The following WWC1 variants were observed in gnomAD, a reference collection of about 807,000 sequenced individuals.
WWC1 encodes protein KIBRA.
WWC1 carries 55 observed loss-of-function variants against 138.4 expected under a neutral mutation model. That is an observed-to-expected ratio of 0.40 (90% CI 0.32 to 0.50). WWC1 has a LOEUF of 0.50. Ranked by LOEUF, WWC1 falls within the 20% of genes least tolerant of loss-of-function variation. The pLI is 0.72. For missense variants in WWC1, 1,226 were observed against 1,420.4 expected (o/e 0.86, Z 2.20); for synonymous variants, 524 against 564.9 (o/e 0.93, Z 1.03).
rs141453590 is a variant in WWC1, at chr5:168,427,361, A to G, written c.1811-672A>G. Among the ~76,000 whole-genome samples, 528 of 152,162 alleles carry G rather than the reference A, an allele frequency of 3.5e-3. 2 individuals carry two copies. The highest frequency in any genetic ancestry group is 5.8e-3 in the Non-Finnish European group (394 of 68,004). Reference sequence around the variant, plus strand: ...CCTGTCAACAGCCCTATAAGTAGGTATTATTATCCAAGTTTTACAAATGAG... The same window carrying G: ...CCTGTCAACAGCCCTATAAGTAGGTGTTATTATCCAAGTTTTACAAATGAG... On this transcript the variant is annotated intron_variant, in intron 11 of 22. Coordinates refer to ENST00000265293, the MANE Select transcript of WWC1 (RefSeq NM_015238.3).
chr5:168,300,716 G>A (rs906187964), intron 1 of WWC1, among the ~76,000 whole-genome samples: 1 of 151,846 alleles, frequency 6.6e-6, no homozygotes, highest in Non-Finnish European at 1.5e-5. Context: ...TTCCCCAGTC[G>A]GCTGCCTGCT....
At position 168,469,230 on chromosome 5, in the gene WWC1, CA is replaced by C. The variant is rs1177944290; in HGVS notation, c.*221del. 10 of 539,966 alleles carry C rather than the reference CA, an allele frequency of 1.9e-5. No homozygotes were observed. Among genetic ancestry groups the C allele is most frequent in the Non-Finnish European group, 3.0e-5 (9 of 302,050 alleles). 33.4% of individuals were successfully genotyped at this position (539,966 alleles called of 1,614,324 possible). On this transcript the variant is annotated 3_prime_UTR_variant, in exon 23 of 23. Transcript: ENST00000265293. ...ACACACACACACACAAAAACAGAAA[CA>C]AAAAAAACCAGCATTAAAATAATAA... is the stretch of plus-strand genomic sequence containing the variant.
At chr5:168,339,866 T>C (rs1773850063) in intron 1 of WWC1, among the ~76,000 whole-genome samples, 1 of 148,548 alleles carries the variant, frequency 6.7e-6, no homozygotes, top group South Asian at 2.1e-4. Flanking sequence ...TCTTTCTCTC[T>C]CTCTCTCTCC....
chr5:168,381,557 G>A (rs949205215), intron 2 of WWC1, among the ~76,000 whole-genome samples: 3 of 152,178 alleles, frequency 2.0e-5, no homozygotes, highest in Non-Finnish European at 4.4e-5. Context: ...CTCACTCCCA[G>A]AGATTGGGAT....
At chr5:168,343,705 G>A (rs938819725) in intron 1 of WWC1, among the ~76,000 whole-genome samples, 3 of 151,892 alleles carry the variant, frequency 2.0e-5, no homozygotes, top group East Asian at 3.9e-4. Flanking sequence ...GCCTGTAATC[G>A]CAGCTACTTG....
Position 168,406,078 on chromosome 5 carries a change from G to A in WWC1, c.591-120G>A. 2.3e-6 allele frequency: 3 copies of A among 1,283,110 alleles called. No homozygotes were observed. In the South Asian group the frequency reaches 4.3e-5, roughly 18 times the overall value. 79.5% of individuals were successfully genotyped at this position (1,283,110 alleles called of 1,614,324 possible). ...AGTGGGACCTAGGGAGGAAGGGTTA[G>A]CAGGACAGAGGGAGGGGCCTTCTTA... is the stretch of plus-strand genomic sequence containing the variant. On this transcript the variant is annotated intron_variant, in intron 5 of 22. Transcript: ENST00000265293.
chr5:168,427,208 A>AG (rs569982305), intron 11 of WWC1, among the ~76,000 whole-genome samples: 56 of 152,352 alleles, frequency 3.7e-4, no homozygotes, highest in African/African-American at 1.3e-3. Flanking sequence ...TGCCATTGAA[A>AG]GTATGGATAT....
Position 168,460,256 on chromosome 5 carries a change from G to C in WWC1, c.2824-394G>C, listed in dbSNP as rs1246172986. ...GAAGGTTAAGAGGGCAGTATACTCT[G>C]AAGTCACGCTGGCCAGTGTCCAGCC... is the stretch of plus-strand genomic sequence containing the variant. On this transcript the variant is annotated intron_variant, in intron 19 of 22. Transcript: ENST00000265293. Among the ~76,000 whole-genome samples, 4 of 152,326 alleles carry C rather than the reference G, an allele frequency of 2.6e-5. No homozygotes were observed. The South Asian group carries it at 8.3e-4, about 32-fold the overall frequency.
chr5:168,346,593 A>G (rs1327221776), intron 1 of WWC1, among the ~76,000 whole-genome samples: 3 of 152,052 alleles, frequency 2.0e-5, no homozygotes, highest in Admixed American at 6.5e-5. Context: ...AGAATACAAG[A>G]CTCATTTGAA....
intron 15 of WWC1, among the ~76,000 whole-genome samples, chr5:168,433,556 A>T (rs1782110388): frequency 6.6e-6 from 1 of 151,190 alleles, no homozygotes; most frequent in Non-Finnish European, 1.5e-5. Context: ...TGTTTTTTTT[A>T]TTTTAGACTG....
At chr5:168,439,978 T>G (rs1055456526) in intron 15 of WWC1, among the ~76,000 whole-genome samples, 1 of 152,218 alleles carries the variant, frequency 6.6e-6, no homozygotes, top group Middle Eastern at 3.2e-3. Context: ...ATTAATTACT[T>G]GTTCAGTTCC....
At chr5:168,338,120 G>A (rs1773657978) in intron 1 of WWC1, among the ~76,000 whole-genome samples, 1 of 151,920 alleles carries the variant, frequency 6.6e-6, no homozygotes, top group African/African-American at 2.4e-5. Flanking sequence ...AGACCGGTCT[G>A]GCCAACGTGG....
At chr5:168,337,140 AC>A (rs1773545558) in intron 1 of WWC1, among the ~76,000 whole-genome samples, 1 of 152,044 alleles carries the variant, frequency 6.6e-6, no homozygotes, top group Non-Finnish European at 1.5e-5. Flanking sequence ...ATCTACACCA[AC>A]TGATGCTGGC....
chr5:168,435,599 T>TG (rs1384586659), intron 15 of WWC1, among the ~76,000 whole-genome samples: 3 of 151,896 alleles, frequency 2.0e-5, no homozygotes, highest in African/African-American at 4.8e-5. Context: ...TTTGTAGAGA[T>TG]GGGGTCTCAC....
intron 2 of WWC1, among the ~76,000 whole-genome samples, chr5:168,371,862 A>G (rs1443879366): frequency 6.6e-6 from 1 of 152,168 alleles, no homozygotes; most frequent in Non-Finnish European, 1.5e-5. Flanking sequence ...GTGTATGTGT[A>G]TATATGCACA....
intron 1 of WWC1, among the ~76,000 whole-genome samples, chr5:168,349,365 A>T (rs1774742028): frequency 6.6e-6 from 1 of 151,912 alleles, no homozygotes; most frequent in Non-Finnish European, 1.5e-5. Context: ...CCCCCACCTT[A>T]TAACTATAGA....
chr5:168,412,164 C>G (rs1051576983), intron 8 of WWC1: 48 of 985,340 alleles, frequency 4.9e-5, no homozygotes, highest in Non-Finnish European at 5.5e-5. Context: ...CTGCAGTGCT[C>G]TCTCTGGAGT....
intron 1 of WWC1, among the ~76,000 whole-genome samples, chr5:168,304,960 G>C (rs908496991): frequency 6.6e-6 from 1 of 151,896 alleles, no homozygotes; most frequent in Non-Finnish European, 1.5e-5. Flanking sequence ...CGAGTAGCTG[G>C]GATTACAGGC....
At chr5:168,356,592 C>G (rs1775440945) in intron 1 of WWC1, among the ~76,000 whole-genome samples, 1 of 152,218 alleles carries the variant, frequency 6.6e-6, no homozygotes, top group African/African-American at 2.4e-5. Flanking sequence ...TGTAGACAAT[C>G]CACAAGGATC....
Sources: gnomAD v4.1 joint callset for allele counts (sites outside exome capture counted in the v4.1 genomes callset) on GRCh38, gnomAD v4.1.1 for gene constraint, MANE v1.5 for transcripts, NCBI Gene and HGNC (gene_info 2026-07-23, HGNC 2026-07-21) for gene names.